The following PARD3B variants were observed in gnomAD, a reference collection of about 807,000 sequenced individuals.
PARD3B encodes par-3 family cell polarity regulator beta, also known as partitioning defective 3 homolog B.
In PARD3B, 103 loss-of-function variants were observed where a neutral mutation model predicts 130.2. The ratio of observed to expected loss-of-function variants is 0.79; its 90% CI spans 0.67 to 0.93. The LOEUF (loss-of-function observed/expected upper bound fraction) is 0.93, where lower values mean the gene tolerates loss of function less well. Among genes scored for constraint, PARD3B ranks in the 40% least tolerant of loss-of-function variants. PARD3B has a pLI of 0.00. For missense variants in PARD3B, 1,609 were observed against 1,499.2 expected (o/e 1.07, Z -1.21); for synonymous variants, 583 against 553.2 (o/e 1.05, Z -0.76).
At chr2:205,149,120 G>A (rs1407615651) in intron 10 of PARD3B, among the ~76,000 whole-genome samples, 3 of 152,194 alleles carry the variant, frequency 2.0e-5, no homozygotes, top group Non-Finnish European at 4.4e-5. Context: ...TAAGGTAATA[G>A]TATGGATGTC....
chr2:205,167,678 A>G (rs2034897548), intron 11 of PARD3B, among the ~76,000 whole-genome samples: 1 of 152,222 alleles, frequency 6.6e-6, no homozygotes, highest in African/African-American at 2.4e-5. Context: ...TGTCATTAAT[A>G]TAGTGCCTTT....
chr2:204,677,153 G>A lies in PARD3B; in HGVS notation c.121-9028G>A, dbSNP rs931154591. Among the ~76,000 whole-genome samples the A allele has an allele frequency of 6.6e-6, 1 of 152,164 alleles. No homozygotes were observed. Among genetic ancestry groups the A allele is most frequent in the African/African-American group, 2.4e-5 (1 of 41,444 alleles). On this transcript the variant is annotated intron_variant, in intron 1 of 22. Transcript: ENST00000406610. The surrounding 1 kb of genome is among the most constrained non-coding windows in gnomAD (Gnocchi z 4.1). Reference sequence around the variant, plus strand: ...TTACCTCTGTTGTCTCAGTTCTCATGTACTTATTTACGGAGGTCTAAGTGT... The same window carrying A: ...TTACCTCTGTTGTCTCAGTTCTCATATACTTATTTACGGAGGTCTAAGTGT...
In PARD3B at chr2:205,193,340, C is replaced by CCTGG; in HGVS notation, c.2140+20_2140+21insCTGG. The CCTGG allele has an allele frequency of 6.5e-7, 1 of 1,533,034 alleles. No homozygotes were observed. Among genetic ancestry groups the CCTGG allele is most frequent in the Non-Finnish European group, 9.0e-7 (1 of 1,106,374 alleles). The allele number at this position is 1,533,034 out of a possible 1,614,324, so 95.0% of individuals were successfully genotyped here. On this transcript the variant is annotated intron_variant, in intron 15 of 22. Coordinates refer to ENST00000406610, the MANE Select transcript of PARD3B (RefSeq NM_001302769.2). The stretch of plus-strand genomic sequence containing the variant: ...ACCTTGGTAAGCAAGGGTGAGGTGA[C>CCTGG]ATCCAGGTCAGCTCTCCAGCCTCAG...
At chr2:205,074,444 G>C (rs568226509) in intron 4 of PARD3B, among the ~76,000 whole-genome samples, 3 of 152,236 alleles carry the variant, frequency 2.0e-5, no homozygotes, top group Admixed American at 6.5e-5. Flanking sequence ...GTAGTTTATG[G>C]AACGACTTCA....
chr2:205,581,229 GAGATATATAT>G (rs144139857), intron 22 of PARD3B, among the ~76,000 whole-genome samples: 33,645 of 112,876 alleles, frequency 0.3, 4,360 homozygotes, highest in Middle Eastern at 0.41. Context: ...GTGGGGTGGG[GAGATATATAT>G]AGATATATAT....
At chr2:205,347,915 T>C (rs2043851560) in intron 18 of PARD3B, 2 of 89,062 alleles carry the variant, frequency 2.2e-5, no homozygotes. Context: ...AAAAGTTTTG[T>C]TGAGGGGCAT....
At chr2:204,711,496 C>A (rs551848507) in intron 2 of PARD3B, among the ~76,000 whole-genome samples, 1 of 152,108 alleles carries the variant, frequency 6.6e-6, no homozygotes, top group Non-Finnish European at 1.5e-5. Context: ...CTTACAACTG[C>A]ATATTGTCTC....
chr2:204,628,892 G>A (rs1473972969), intron 1 of PARD3B, among the ~76,000 whole-genome samples: 1 of 152,156 alleles, frequency 6.6e-6, no homozygotes, highest in Non-Finnish European at 1.5e-5. Context: ...TGTTTCTTTA[G>A]TTTAATAGGA....
Position 205,584,393 on chromosome 2 carries a change from C to T in PARD3B, c.3260+30990C>T, listed in dbSNP as rs75020329. On this transcript the variant is annotated intron_variant, in intron 22 of 22. Transcript: ENST00000406610. This position sits in a 1 kb window ranked among gnomAD's most constrained non-coding sequence, Gnocchi z 5.5. The stretch of plus-strand genomic sequence containing the variant: ...ACAAGAAAGTTTTAAATTATGTATG[C>T]GAGGCCGGACACGATAGCTCATGCT... 5.7e-3 allele frequency among the ~76,000 whole-genome samples: 874 copies of T among 152,112 alleles called. 6 individuals carry two copies. The highest frequency in any genetic ancestry group is 0.013 in the South Asian group (62 of 4,820).
chr2:205,183,129 G>T lies in PARD3B; in HGVS notation c.1925-2635G>T, dbSNP rs1272796689. ...GATATTTGGGTGGACCTTGGGAGAA[G>T]GGTAGGATTTTGACAGGTAGAGTAG... On this transcript the variant is annotated intron_variant, in intron 13 of 22. Coordinates refer to ENST00000406610, the MANE Select transcript of PARD3B (RefSeq NM_001302769.2). This position sits in a 1 kb window ranked among gnomAD's most constrained non-coding sequence, Gnocchi z 5.2. 6.6e-6 allele frequency among the ~76,000 whole-genome samples: 1 copy of T among 152,136 alleles called. No individual in the cohort carries two copies. Among genetic ancestry groups the T allele is most frequent in the Non-Finnish European group, 1.5e-5 (1 of 68,020 alleles).
At chr2:204,633,329 C>T (rs2034755069) in intron 1 of PARD3B, among the ~76,000 whole-genome samples, 1 of 152,108 alleles carries the variant, frequency 6.6e-6, no homozygotes, top group Non-Finnish European at 1.5e-5. Context: ...CTGTACCCCC[C>T]AACATCCCTA....
intron 4 of PARD3B, among the ~76,000 whole-genome samples, chr2:205,070,116 T>G (rs1700634688): frequency 6.6e-6 from 1 of 152,160 alleles, no homozygotes; most frequent in South Asian, 2.1e-4. Context: ...TTAACCCATT[T>G]GCTATGTGAT....
intron 1 of PARD3B, among the ~76,000 whole-genome samples, chr2:204,646,233 C>T (rs1320429860): frequency 6.6e-6 from 1 of 152,120 alleles, no homozygotes; most frequent in East Asian, 1.9e-4. Flanking sequence ...CCCAGAAGTT[C>T]TCACGTGCCA....
At chr2:205,052,134 G>A (rs1161259145) in intron 4 of PARD3B, among the ~76,000 whole-genome samples, 1 of 151,928 alleles carries the variant, frequency 6.6e-6, no homozygotes, top group African/African-American at 2.4e-5. Context: ...TCTCAAACTT[G>A]CAATGGAACA....
intron 1 of PARD3B, among the ~76,000 whole-genome samples, chr2:204,658,770 T>C (rs2035714243): frequency 6.6e-6 from 1 of 152,142 alleles, no homozygotes; most frequent in Admixed American, 6.5e-5. Context: ...TAATAAAAAT[T>C]TTACTCTAGA....
At chr2:205,275,938 A>G (rs2040931283) in intron 16 of PARD3B, among the ~76,000 whole-genome samples, 1 of 152,034 alleles carries the variant, frequency 6.6e-6, no homozygotes, top group African/African-American at 2.4e-5. Flanking sequence ...CAGTTGTTCA[A>G]ATGCTAATAC....
intron 2 of PARD3B, among the ~76,000 whole-genome samples, chr2:204,700,960 A>G (rs958592472): frequency 1.4e-4 from 21 of 152,214 alleles, no homozygotes; most frequent in African/African-American, 5.1e-4. Flanking sequence ...GAATACCAAA[A>G]TCATCTGCAA....
Position 205,405,934 on chromosome 2 carries a change from G to T in PARD3B, c.2741+4811G>T, listed in dbSNP as rs1193842989. 1.3e-5 allele frequency among the ~76,000 whole-genome samples: 2 copies of T among 152,320 alleles called. No individual in the cohort carries two copies. Among genetic ancestry groups the T allele is most frequent in the Non-Finnish European group, 2.9e-5 (2 of 68,032 alleles). On this transcript the variant is annotated intron_variant, in intron 19 of 22. Coordinates refer to ENST00000406610, the MANE Select transcript of PARD3B (RefSeq NM_001302769.2). The surrounding 1 kb of genome is among the most constrained non-coding windows in gnomAD (Gnocchi z 4.1). Reference sequence around the variant, plus strand: ...CAACATGTGGATATGCCTGCCAAAAGCTTAATCTGGTCCTAAGCTACATTA... The same window carrying T: ...CAACATGTGGATATGCCTGCCAAAATCTTAATCTGGTCCTAAGCTACATTA...
chr2:204,915,606 A>T (rs923862037), intron 2 of PARD3B, among the ~76,000 whole-genome samples: 17 of 152,196 alleles, frequency 1.1e-4, no homozygotes, highest in Admixed American at 7.9e-4. Flanking sequence ...TCACCATGGA[A>T]AAAACCTACA....
Sources: allele counts gnomAD v4.1 joint callset (sites outside exome capture counted in the v4.1 genomes callset), GRCh38; gene constraint gnomAD v4.1.1; non-coding constraint Gnocchi (gnomAD v3.1); transcripts MANE v1.5; gene names NCBI Gene and HGNC (gene_info 2026-07-23, HGNC 2026-07-21).